The following ELMO1 variants were observed in gnomAD, a reference collection of about 807,000 sequenced individuals.
The protein encoded by ELMO1 is engulfment and cell motility protein 1.
In ELMO1, 26 loss-of-function variants were observed where a neutral mutation model predicts 98.9. The observed-to-expected ratio is 0.26, with a 90% CI of 0.19 to 0.36. The LOEUF is 0.36. Ranked by LOEUF, ELMO1 falls within the 10% of genes least tolerant of loss-of-function variation. ELMO1 has a pLI of 1.00. For synonymous variants in ELMO1, 346 were observed against 346.0 expected (o/e 1.00, Z 0.00); for missense variants, 627 against 935.2 (o/e 0.67, Z 4.30).
At chr7:37,233,269 G>A (rs1484238464) in intron 7 of ELMO1, 75 bp from the exon 8 acceptor site, 1 of 1,291,678 alleles carries the variant, frequency 7.7e-7, no homozygotes, top group Non-Finnish European at 1.1e-6. Context: ...AAAGTTCTGG[G>A]AAAGTGAATA....
intron 15 of ELMO1, among the ~76,000 whole-genome samples, chr7:37,020,648 A>G (rs1401798823): frequency 1.3e-5 from 2 of 152,112 alleles, no homozygotes; most frequent in Non-Finnish European, 2.9e-5. Context: ...CATCCTTTCT[A>G]TGACCTTGGT....
chr7:37,297,113 A>T (rs774910478), intron 4 of ELMO1, among the ~76,000 whole-genome samples: 3 of 152,238 alleles, frequency 2.0e-5, no homozygotes, highest in Non-Finnish European at 4.4e-5. Flanking sequence ...AATGCTTTAT[A>T]TTGAGGCTCT....
At chr7:37,163,543 T>C (rs1191867476) in intron 13 of ELMO1, among the ~76,000 whole-genome samples, 1 of 12,502 alleles carries the variant, frequency 8.0e-5, no homozygotes, top group Non-Finnish European at 5.1e-3. Flanking sequence ...CCTTCCTGTG[T>C]CCATTGATCT....
chr7:37,126,637 C>T (rs1345997132), intron 14 of ELMO1, among the ~76,000 whole-genome samples: 2 of 151,922 alleles, frequency 1.3e-5, no homozygotes, highest in Non-Finnish European at 2.9e-5. Context: ...TCTAAAAATC[C>T]CAAAGGAAAC....
chr7:36,887,902 C>T (rs1170348943), intron 17 of ELMO1, among the ~76,000 whole-genome samples: 1 of 152,174 alleles, frequency 6.6e-6, no homozygotes, highest in Non-Finnish European at 1.5e-5. Flanking sequence ...AAAGAACCAG[C>T]TACTTCAGTG....
intron 19 of ELMO1, among the ~76,000 whole-genome samples, chr7:36,874,478 G>A (rs1403560138): frequency 6.6e-6 from 1 of 152,250 alleles, no homozygotes; most frequent in East Asian, 1.9e-4. Flanking sequence ...CTAGCATATA[G>A]TAAGCACTCA....
chr7:36,962,704 G>A (rs182940488), intron 16 of ELMO1, among the ~76,000 whole-genome samples: 56 of 152,156 alleles, frequency 3.7e-4, no homozygotes, highest in African/African-American at 1.3e-3. Context: ...GCACAACAAA[G>A]GAAATCTAAA....
intron 1 of ELMO1, among the ~76,000 whole-genome samples, chr7:37,391,048 CT>C (rs1562660965): frequency 7.4e-5 from 11 of 149,586 alleles, no homozygotes; most frequent in African/African-American, 1.5e-4. Flanking sequence ...TCCTTCCTTC[CT>C]TCCTTCCTTC....
chr7:37,104,125 T>C (rs1784813712), intron 14 of ELMO1, among the ~76,000 whole-genome samples: 1 of 151,296 alleles, frequency 6.6e-6, no homozygotes, highest in South Asian at 2.1e-4. Context: ...ACTTCCAGTT[T>C]GGAAATGACC....
intron 13 of ELMO1, among the ~76,000 whole-genome samples, chr7:37,176,163 G>A (rs193179113): frequency 9.2e-5 from 14 of 152,284 alleles, no homozygotes; most frequent in African/African-American, 3.4e-4. Context: ...ATTAATTTCA[G>A]AATGACCTTT....
At chr7:37,279,286 G>A (rs985045902) in intron 4 of ELMO1, among the ~76,000 whole-genome samples, 1 of 152,184 alleles carries the variant, frequency 6.6e-6, no homozygotes, top group Admixed American at 6.5e-5. Context: ...GGGGAGACGT[G>A]GCTCTAAGGC....
At chr7:37,138,977 A>G (rs1563028284) in intron 13 of ELMO1, among the ~76,000 whole-genome samples, 1 of 152,248 alleles carries the variant, frequency 6.6e-6, no homozygotes, top group African/African-American at 2.4e-5. Flanking sequence ...CGAAAATCAT[A>G]TGATCATCTC....
intron 15 of ELMO1, among the ~76,000 whole-genome samples, chr7:37,092,322 T>C (rs1295106836): frequency 1.3e-5 from 2 of 150,346 alleles, no homozygotes; most frequent in African/African-American, 2.4e-5. Context: ...AGTTTGCTCA[T>C]GGAAAGTGAG....
Position 36,921,529 on chromosome 7 carries a change from C to T in ELMO1, c.1438-26512G>A, listed in dbSNP as rs537860407. 3.9e-5 allele frequency among the ~76,000 whole-genome samples: 6 copies of T among 152,298 alleles called. No individual in the cohort carries two copies. In the South Asian group the frequency reaches 1.0e-3, roughly 26 times the overall value. On this transcript the variant is annotated intron_variant, in intron 16 of 21. Coordinates refer to ENST00000310758, the MANE Select transcript of ELMO1 (RefSeq NM_014800.11). ...TATTATGTTGATGTTATTATTATTG[C>T]TATTATTATGACTACTACTCCTTTC...
intron 16 of ELMO1, among the ~76,000 whole-genome samples, chr7:36,984,196 G>A (rs58091525): frequency 0.086 from 13,036 of 152,228 alleles, 823 homozygotes; most frequent in East Asian, 0.24. Flanking sequence ...ACTGAGGAGT[G>A]TGGTGCAGCA....
chr7:36,883,944 G>A (rs935749787), intron 18 of ELMO1, among the ~76,000 whole-genome samples: 1 of 152,134 alleles, frequency 6.6e-6, no homozygotes, highest in Non-Finnish European at 1.5e-5. Flanking sequence ...CTTATACTTC[G>A]TGGTCAACAT....
rs995367362 is a variant in ELMO1, at chr7:37,211,503, G to T, written c.969C>A (p.Ile323=). The part of the protein sequence containing the change: ...MDPQDQAQRD[I]IFELRRIAFD... ...AAGCAATTCTTCGAAGTTCAAATATGATGTCCCTCTGAGCCTGAAGGAATC... is the reference window on the plus strand; with the variant it reads ...AAGCAATTCTTCGAAGTTCAAATATTATGTCCCTCTGAGCCTGAAGGAATC... The change falls in exon 13 of 22, where the codon ATC becomes ATA. Residue 323 remains isoleucine (I), a synonymous_variant. Transcript: ENST00000310758. 3.7e-6 allele frequency: 6 copies of T among 1,613,824 alleles called. No homozygotes were observed. In the African/African-American group the frequency reaches 6.7e-5, roughly 18 times the overall value.
intron 5 of ELMO1, among the ~76,000 whole-genome samples, chr7:37,264,706 G>A (rs1357483593): frequency 3.9e-5 from 6 of 152,150 alleles, no homozygotes; most frequent in Admixed American, 3.9e-4. Context: ...GCTACCTCAT[G>A]TCCCAGATAG....
At chr7:37,082,875 C>CTG (rs1466223506) in intron 15 of ELMO1, among the ~76,000 whole-genome samples, 1 of 152,204 alleles carries the variant, frequency 6.6e-6, no homozygotes. Flanking sequence ...ATAACAAGGC[C>CTG]TGTGGGCATT....
Sources: allele counts gnomAD v4.1 joint callset (sites outside exome capture counted in the v4.1 genomes callset), GRCh38; gene constraint gnomAD v4.1.1; transcripts MANE v1.5; gene names NCBI Gene and HGNC (gene_info 2026-07-23, HGNC 2026-07-21).